The following PEAK1 variants were observed in gnomAD, a reference collection of about 807,000 sequenced individuals.
PEAK1 encodes inactive tyrosine-protein kinase PEAK1.
A neutral mutation model predicts 124.7 loss-of-function variants in PEAK1; 54 were observed. The observed-to-expected ratio is 0.43, with a 90% CI of 0.35 to 0.54. The LOEUF (loss-of-function observed/expected upper bound fraction) is 0.54, where lower values mean the gene tolerates loss of function less well. Ranked by LOEUF, PEAK1 falls within the 20% of genes least tolerant of loss-of-function variation. The pLI is 0.01. For missense variants in PEAK1, 2,046 were observed against 2,134.5 expected (o/e 0.96, Z 0.82); for synonymous variants, 719 against 760.0 (o/e 0.95, Z 0.89).
intron 2 of PEAK1, among the ~76,000 whole-genome samples, chr15:77,310,741 A>G (rs1488064721): frequency 6.6e-6 from 1 of 152,240 alleles, no homozygotes; most frequent in African/African-American, 2.4e-5. Context: ...ACATACAACA[A>G]AGGAATCTGA....
At chr15:77,191,511 A>G in intron 6 of PEAK1, among the ~76,000 whole-genome samples, 1 of 152,166 alleles carries the variant, frequency 6.6e-6, no homozygotes, top group East Asian at 1.9e-4. Flanking sequence ...GATTTAATTG[A>G]AAGTTTTAGC....
intron 3 of PEAK1, 53 bp downstream of exon 3, chr15:77,286,368 AAG>A: frequency 1.0e-6 from 1 of 963,046 alleles, no homozygotes; most frequent in Non-Finnish European, 1.3e-6. Context: ...AGATTAATAA[AAG>A]AGATTTAAGA....
chr15:77,135,625 G>A (rs1300721411), intron 8 of PEAK1, among the ~76,000 whole-genome samples: 1 of 152,182 alleles, frequency 6.6e-6, no homozygotes, highest in East Asian at 1.9e-4. Flanking sequence ...CATGTTGTGG[G>A]AGGGACCCAG....
At chr15:77,405,769 G>C (rs2071769535) in intron 1 of PEAK1, among the ~76,000 whole-genome samples, 1 of 152,020 alleles carries the variant, frequency 6.6e-6, no homozygotes, top group Admixed American at 6.6e-5. Context: ...ACAACTACAA[G>C]TTGCATTTAT....
At chr15:77,191,705 T>C (rs2057843240) in intron 6 of PEAK1, among the ~76,000 whole-genome samples, 1 of 152,130 alleles carries the variant, frequency 6.6e-6, no homozygotes, top group Non-Finnish European at 1.5e-5. Context: ...TGTGATACTA[T>C]TGTGCTTTAA....
intron 1 of PEAK1, among the ~76,000 whole-genome samples, chr15:77,408,520 A>G (rs1224898809): frequency 6.6e-6 from 1 of 152,072 alleles, no homozygotes; most frequent in Non-Finnish European, 1.5e-5. Context: ...CTGTTCCCTG[A>G]AAACCTATGA....
chr15:77,154,601 C>T (rs1480349024), intron 8 of PEAK1, among the ~76,000 whole-genome samples: 1 of 152,186 alleles, frequency 6.6e-6, no homozygotes, highest in Non-Finnish European at 1.5e-5. Flanking sequence ...TACATTTTGG[C>T]ATGTTTTTGC....
intron 1 of PEAK1, among the ~76,000 whole-genome samples, chr15:77,388,006 G>C (rs1329499428): frequency 2.6e-5 from 4 of 152,104 alleles, no homozygotes; most frequent in Admixed American, 1.3e-4. Context: ...GTTAGCAAGT[G>C]GGTATACTTA....
intron 9 of PEAK1, among the ~76,000 whole-genome samples, chr15:77,129,768 A>G (rs1035557072): frequency 3.3e-5 from 5 of 152,090 alleles, no homozygotes; most frequent in African/African-American, 1.2e-4. Flanking sequence ...TTTGTTTGCA[A>G]CATTTTAAAG....
At chr15:77,328,113 C>T (rs1467459744) in intron 2 of PEAK1, among the ~76,000 whole-genome samples, 1 of 152,122 alleles carries the variant, frequency 6.6e-6, no homozygotes, top group Admixed American at 6.6e-5. Flanking sequence ...CAGTATACCA[C>T]ATGTATTTTA....
intron 5 of PEAK1, among the ~76,000 whole-genome samples, chr15:77,263,625 C>A (rs1163976271): frequency 6.6e-6 from 1 of 151,970 alleles, no homozygotes; most frequent in African/African-American, 2.4e-5. Context: ...AGCTTACTAA[C>A]CAAAAAAAGG....
intron 6 of PEAK1, among the ~76,000 whole-genome samples, chr15:77,201,428 T>A (rs1211330529): frequency 6.6e-6 from 1 of 151,726 alleles, no homozygotes; most frequent in Non-Finnish European, 1.5e-5. Context: ...TTAGTAGAGA[T>A]GGGGTTTCAT....
At chr15:77,193,989 T>C (rs1020346418) in intron 6 of PEAK1, among the ~76,000 whole-genome samples, 4 of 152,220 alleles carry the variant, frequency 2.6e-5, no homozygotes, top group Non-Finnish European at 5.9e-5. Context: ...CTCTTGCTCC[T>C]GTCGTCTGAA....
Position 77,343,275 on chromosome 15 carries a change from A to T in PEAK1, c.-603+21888T>A, listed in dbSNP as rs541132062. Among the ~76,000 whole-genome samples the T allele has an allele frequency of 2.6e-5, 4 of 152,234 alleles. No homozygotes were observed. In the East Asian group the frequency reaches 7.7e-4, roughly 29 times the overall value. ...TGGTCATGACTATTTGTATCTTTGGAGAAATGCCTTTGATCATTTTTTAAT... is the reference window on the plus strand; with the variant it reads ...TGGTCATGACTATTTGTATCTTTGGTGAAATGCCTTTGATCATTTTTTAAT... On this transcript the variant is annotated intron_variant, in intron 2 of 9. Transcript: ENST00000682557.
At chr15:77,365,118 A>G in intron 2 of PEAK1, 45 bp downstream of exon 2, 1 of 714,948 alleles carries the variant, frequency 1.4e-6, no homozygotes, top group Non-Finnish European at 1.7e-6. Context: ...CTTTCTCATT[A>G]TAAAATATAT....
intron 8 of PEAK1, among the ~76,000 whole-genome samples, chr15:77,146,728 T>C (rs577423943): frequency 6.6e-6 from 1 of 152,324 alleles, no homozygotes; most frequent in South Asian, 2.1e-4. Context: ...AACTGTGCAA[T>C]TCTTTAGCCA....
intron 6 of PEAK1, among the ~76,000 whole-genome samples, chr15:77,223,886 A>ATTT (rs10719377): frequency 3.0e-4 from 36 of 121,568 alleles, no homozygotes; most frequent in Admixed American, 3.4e-4. Flanking sequence ...CATTTGAGAG[A>ATTT]TTTTTTTTTT....
At chr15:77,120,900 C>A (rs995966086) in intron 9 of PEAK1, among the ~76,000 whole-genome samples, 2 of 152,162 alleles carry the variant, frequency 1.3e-5, no homozygotes, top group African/African-American at 2.4e-5. Flanking sequence ...CCTTGTCACC[C>A]CTCATCTGCC....
chr15:77,144,308 T>C (rs2054016073), intron 8 of PEAK1, among the ~76,000 whole-genome samples: 1 of 152,260 alleles, frequency 6.6e-6, no homozygotes, highest in Admixed American at 6.5e-5. Context: ...ATTTTTGCCT[T>C]AGCAAGGGTG....
Sources: allele counts gnomAD v4.1 joint callset (sites outside exome capture counted in the v4.1 genomes callset), GRCh38; gene constraint gnomAD v4.1.1; transcripts MANE v1.5; gene names NCBI Gene and HGNC (gene_info 2026-07-23, HGNC 2026-07-21).